DICER1: variants seen among roughly 807,000 people sequenced by gnomAD.
DICER1 encodes the protein dicer 1, ribonuclease III.
In DICER1, 43 loss-of-function variants were observed where a neutral mutation model predicts 194.1. That is an observed-to-expected ratio of 0.22 (90% CI 0.17 to 0.29). DICER1 has a LOEUF of 0.29. Among genes scored for constraint, DICER1 ranks in the 10% least tolerant of loss-of-function variants. The pLI, the probability that DICER1 is intolerant of heterozygous loss-of-function variation, is 1.00. For missense variants in DICER1, 1,608 were observed against 2,317.0 expected (o/e 0.69, Z 6.28); for synonymous variants, 832 against 820.5 (o/e 1.01, Z -0.24).
At chr14:95,127,098 A>T (rs1318957745) in intron 6 of DICER1, among the ~76,000 whole-genome samples, 1 of 152,222 alleles carries the variant, frequency 6.6e-6, no homozygotes, top group Non-Finnish European at 1.5e-5. Context: ...ATCCACACAC[A>T]GGGAGGATGA....
rs114661775 is a variant in DICER1 at position 95,138,664 on chromosome 14, T to A, written c.-45-5161A>T. 7.4e-3 allele frequency among the ~76,000 whole-genome samples: 1,119 copies of A among 152,190 alleles called. 13 individuals carry two copies. The highest frequency in any genetic ancestry group is 0.026 in the African/African-American group (1,083 of 41,540). ...CATGACTGCCTGACTTCTGCCGACC[T>A]GTAACCTTACGTTCAGATTATTCAC... On this transcript the variant is annotated intron_variant, in intron 1 of 26. Transcript: ENST00000343455.
rs1456189877 is a variant in DICER1, at chr14:95,096,672, A to G, written c.4248T>C (p.Asp1416=). The G allele has an allele frequency of 6.2e-7, 1 of 1,612,456 alleles. No homozygotes were observed. The highest frequency in any genetic ancestry group is 2.2e-5 in the East Asian group (1 of 44,814). The stretch of plus-strand genomic sequence containing the variant: ...CCTCCTCCTCATCCTCCTCCTCGTA[A>G]TCCTCATCCAGTTTGCCATTCGCCA... ...CMLANGKLDE[D]YEEEDEEEES... Residue 1416 remains aspartate (D), a synonymous_variant, in exon 23 of 27, where the codon GAT becomes GAC. Transcript: ENST00000343455.
rs145140220 is a variant in DICER1, at chr14:95,090,947, A to G, written c.5603+87T>C. The G allele has an allele frequency of 0.023, 29,251 of 1,278,190 alleles. 398 individuals are homozygous for G. Among genetic ancestry groups the G allele is most frequent in the South Asian group, 0.037 (2,974 of 80,614 alleles). 79.2% of individuals were successfully genotyped at this position (1,278,190 alleles called of 1,614,324 possible). A position where few individuals can be genotyped will look rare whatever the true frequency, so the allele number is the denominator to read the frequency against. ...GCACACCACAGTGTAAATATTTTTC[A>G]GAATCATTAGTTTACAATATCTTTG... On this transcript the variant is annotated intron_variant, in intron 26 of 26. Coordinates refer to ENST00000343455, the MANE Select transcript of DICER1 (RefSeq NM_177438.3).
At chr14:95,117,372 C>T (rs1048307325) in intron 9 of DICER1, among the ~76,000 whole-genome samples, 1 of 152,132 alleles carries the variant, frequency 6.6e-6, no homozygotes, top group Non-Finnish European at 1.5e-5. Context: ...AATCCAATCA[C>T]AGAAAATAAG....
intron 1 of DICER1, among the ~76,000 whole-genome samples, chr14:95,150,174 T>C (rs143771291): frequency 1.1e-3 from 169 of 152,342 alleles, no homozygotes; most frequent in African/African-American, 3.9e-3. Context: ...CTCAACTTAG[T>C]TTCTCATTTT....
chr14:95,136,086 TACACACACACACACACACACACAC>T (rs144415862), intron 1 of DICER1, among the ~76,000 whole-genome samples: 1 of 146,550 alleles, frequency 6.8e-6, no homozygotes, highest in Non-Finnish European at 1.5e-5. Flanking sequence ...TACATGTAGA[TACACACACACACACACACACACAC>T]ACACACACAC....
At chr14:95,123,314 G>T (rs2140191288) in intron 8 of DICER1, among the ~76,000 whole-genome samples, 1 of 152,288 alleles carries the variant, frequency 6.6e-6, no homozygotes, top group East Asian at 1.9e-4. Flanking sequence ...AATAGTCTTA[G>T]AACTTTCCCC....
intron 1 of DICER1, among the ~76,000 whole-genome samples, chr14:95,154,958 A>G (rs999614498): frequency 6.6e-6 from 1 of 152,196 alleles, no homozygotes; most frequent in African/African-American, 2.4e-5. Flanking sequence ...TCATTCCACA[A>G]GTCTTAACTG....
chr14:95,086,293 G>C lies in DICER1; in HGVS notation c.*4205C>G. 1 of 232,756 alleles carries C rather than the reference G, an allele frequency of 4.3e-6. No individual in the cohort carries two copies. Among genetic ancestry groups the C allele is most frequent in the Non-Finnish European group, 8.5e-6 (1 of 117,834 alleles). 14.4% of individuals were successfully genotyped at this position (232,756 alleles called of 1,614,324 possible). On this transcript the variant is annotated 3_prime_UTR_variant, in exon 27 of 27. Transcript: ENST00000343455. ...ATTATTACAAAAAAAACAACTAAAG[G>C]TAATTGTGATCCATAAGGTGCAGAC...
At chr14:95,097,771 T>C (rs1321273654) in intron 22 of DICER1, among the ~76,000 whole-genome samples, 1 of 152,176 alleles carries the variant, frequency 6.6e-6, no homozygotes, top group Non-Finnish European at 1.5e-5. Context: ...ACTCAAGATA[T>C]AAACACTACA....
intron 11 of DICER1, among the ~76,000 whole-genome samples, 161 bp downstream of exon 11, chr14:95,115,506 T>A (rs1432095795): frequency 6.6e-6 from 1 of 151,286 alleles, no homozygotes; most frequent in Admixed American, 6.6e-5. Context: ...CCTTTTGATT[T>A]AAAAAAAAAT....
chr14:95,100,589 C>G (rs1252117454), intron 21 of DICER1, among the ~76,000 whole-genome samples: 2 of 152,206 alleles, frequency 1.3e-5, no homozygotes, highest in Non-Finnish European at 2.9e-5. Context: ...CTATCTTACC[C>G]TCTACTCCGG....
chr14:95,149,654 A>G (rs564477617), intron 1 of DICER1, among the ~76,000 whole-genome samples: 1 of 152,316 alleles, frequency 6.6e-6, no homozygotes, highest in Non-Finnish European at 1.5e-5. Flanking sequence ...TACATAGTTC[A>G]TGATTTGTTT....
At chr14:95,132,443 C>G in intron 3 of DICER1, 72 bp downstream of exon 3, 1 of 1,501,114 alleles carries the variant, frequency 6.7e-7, no homozygotes, top group Middle Eastern at 1.7e-4. Context: ...TTAAGAAACA[C>G]AGAAAATCTG....
At position 95,087,862 on chromosome 14, in the gene DICER1, A is replaced by G. The variant is rs1401473800; in HGVS notation, c.*2636T>C. On this transcript the variant is annotated 3_prime_UTR_variant, in exon 27 of 27. Transcript: ENST00000343455. ...TTTTCCATATTACATTCGGTCTCACATTGCAATCACAGGAACACAGGGTGG... is the reference window on the plus strand; with the variant it reads ...TTTTCCATATTACATTCGGTCTCACGTTGCAATCACAGGAACACAGGGTGG... 1 of 233,036 alleles carries G rather than the reference A, an allele frequency of 4.3e-6. No individual in the cohort carries two copies. Among genetic ancestry groups the G allele is most frequent in the Non-Finnish European group, 8.5e-6 (1 of 117,998 alleles). The allele number at this position is 233,036 out of a possible 1,614,324, so 14.4% of individuals were successfully genotyped here. A position where few individuals can be genotyped will look rare whatever the true frequency, so the allele number is the denominator to read the frequency against.
At chr14:95,116,739 T>C (rs1201451814) in intron 9 of DICER1, 44 bp from the exon 10 acceptor site, 31 of 1,602,472 alleles carry the variant, frequency 1.9e-5, no homozygotes, top group Non-Finnish European at 2.6e-5. Context: ...TAAGAAAATT[T>C]CTAAAATGAA....
At chr14:95,136,153 G>A (rs1026011101) in intron 1 of DICER1, among the ~76,000 whole-genome samples, 7 of 151,012 alleles carry the variant, frequency 4.6e-5, no homozygotes, top group African/African-American at 1.5e-4. Flanking sequence ...GGCAAAATGG[G>A]TACAGCACAT....
At chr14:95,091,171 G>C in intron 25 of DICER1, 32 bp downstream of exon 25, 1 of 1,614,028 alleles carries the variant, frequency 6.2e-7, no homozygotes, top group Non-Finnish European at 8.5e-7. Context: ...AATTTTGTGG[G>C]TTTTTTTCTT....
At chr14:95,149,097 G>A (rs1041921386) in intron 1 of DICER1, among the ~76,000 whole-genome samples, 15 of 152,020 alleles carry the variant, frequency 9.9e-5, no homozygotes, top group Admixed American at 7.2e-4. Context: ...ACTGTGCAAC[G>A]AGTGCTAGAA....
Sources: gnomAD v4.1 joint callset for allele counts (sites outside exome capture counted in the v4.1 genomes callset) on GRCh38, gnomAD v4.1.1 for gene constraint, MANE v1.5 for transcripts, NCBI Gene and HGNC (gene_info 2026-07-23, HGNC 2026-07-21) for gene names.